Variants in NCOA2 observed in about 807,000 individuals in gnomAD.
NCOA2 encodes class E basic helix-loop-helix protein 75.
Under a neutral mutation model 145.1 loss-of-function variants are expected in NCOA2, and 21 were observed. That is an observed-to-expected ratio of 0.14 (90% CI 0.10 to 0.21). The LOEUF is 0.21. Among genes scored for constraint, NCOA2 ranks in the 10% least tolerant of loss-of-function variants. The pLI, the probability that NCOA2 is intolerant of heterozygous loss-of-function variation, is 1.00. For missense variants in NCOA2, 1,472 were observed against 1,837.6 expected, an observed-to-expected ratio of 0.80 and a Z score of 3.64; for synonymous variants, 619 against 637.5, an observed-to-expected ratio of 0.97 and a Z score of 0.44.
chr8:70,179,273 T>C (rs1349602271), intron 4 of NCOA2, among the ~76,000 whole-genome samples: 3 of 152,188 alleles, frequency 2.0e-5, no homozygotes, highest in South Asian at 2.1e-4. Flanking sequence ...TATGAAGTGA[T>C]AGAAAACACT....
intron 15 of NCOA2, among the ~76,000 whole-genome samples, chr8:70,132,728 T>A (rs1809272741): frequency 6.6e-6 from 1 of 152,196 alleles, no homozygotes; most frequent in Non-Finnish European, 1.5e-5. Context: ...CACGCCTGGC[T>A]AATTTTTTGT....
At chr8:70,119,792 T>G (rs1807582011) in intron 22 of NCOA2, among the ~76,000 whole-genome samples, 1 of 152,146 alleles carries the variant, frequency 6.6e-6, no homozygotes, top group Admixed American at 6.5e-5. Flanking sequence ...TCTCTGATGA[T>G]TACTGATGCT....
chr8:70,127,343 A>AT (rs1808538247), intron 18 of NCOA2, among the ~76,000 whole-genome samples: 1 of 152,236 alleles, frequency 6.6e-6, no homozygotes, highest in African/African-American at 2.4e-5. Flanking sequence ...ATCTCAAAAT[A>AT]ACACAGTCCT....
Position 70,156,502 on chromosome 8 carries a change from C to G in NCOA2, c.1863G>C (p.Val621=). 1 of 1,613,894 alleles carries G rather than the reference C, an allele frequency of 6.2e-7. No homozygotes were observed. Among genetic ancestry groups the G allele is most frequent in the Non-Finnish European group, 8.5e-7 (1 of 1,179,880 alleles). ...TCTGCCCGTCAGCTCTCTCACTGCTCACGGCCGGGGGCAGGTTGGGGTCAT... is the reference window on the plus strand; with the variant it reads ...TCTGCCCGTCAGCTCTCTCACTGCTGACGGCCGGGGGCAGGTTGGGGTCAT... ...ETNDPNLPPA[V]SSERADGQSR... is the part of the protein sequence containing the mutation. Residue 621 remains valine (V), a synonymous_variant, in exon 11 of 23, where the codon GTG becomes GTC. Coordinates refer to ENST00000452400, the MANE Select transcript of NCOA2 (RefSeq NM_006540.4).
chr8:70,386,582 C>A (rs1011404932), intron 1 of NCOA2, among the ~76,000 whole-genome samples: 1 of 151,950 alleles, frequency 6.6e-6, no homozygotes, highest in South Asian at 2.1e-4. Flanking sequence ...TGAGAAGAAA[C>A]AATAGAGAGG....
At chr8:70,162,994 A>C (rs1813214696) in intron 8 of NCOA2, 140 bp from the exon 9 acceptor site, 1 of 776,380 alleles carries the variant, frequency 1.3e-6, no homozygotes, top group Non-Finnish European at 1.9e-6. Flanking sequence ...AGCTCACTGC[A>C]ACCTCTACCT....
At position 70,138,260 on chromosome 8, in the gene NCOA2, G is replaced by A; in HGVS notation, c.3101C>T (p.Ala1034Val). The A allele has an allele frequency of 6.2e-7, 1 of 1,613,720 alleles. No homozygotes were observed. The highest frequency in any genetic ancestry group is 8.5e-7 in the Non-Finnish European group (1 of 1,179,766). Residue 1034 changes from alanine (A) to valine (V), a missense_variant, in exon 15 of 23, where the codon GCC (alanine) becomes GTC (valine). By Grantham distance (64) the Ala-to-Val change is moderately conservative (BLOSUM62 0). Transcript: ENST00000452400. ...SQQQAPPNQT[A>V]PWPESILPID... ...AGGCAGGATGCTTTCAGGCCATGGG[G>A]CAGTCTGATTTGGAGGAGCTTGTTG... is the stretch of plus-strand genomic sequence containing the variant.
intron 8 of NCOA2, 49 bp from the exon 9 acceptor site, chr8:70,162,903 T>C (rs1236173139): frequency 6.4e-6 from 8 of 1,241,846 alleles, no homozygotes; most frequent in Non-Finnish European, 6.5e-6. Flanking sequence ...CTATTCTTTA[T>C]GGAAATAATT....
chr8:70,384,913 A>G (rs1812522884), intron 1 of NCOA2, among the ~76,000 whole-genome samples: 1 of 152,242 alleles, frequency 6.6e-6, no homozygotes, highest in African/African-American at 2.4e-5. Flanking sequence ...ACCAAGTGCT[A>G]AAATGTTAAG....
chr8:70,249,977 AAAG>A (rs1554606850), intron 2 of NCOA2, among the ~76,000 whole-genome samples: 5,832 of 137,210 alleles, frequency 0.043, 180 homozygotes, highest in East Asian at 0.14. Flanking sequence ...AAAAAAAAAA[AAAG>A]AAGAAGAAGA....
At chr8:70,146,343 C>T (rs753536199) in intron 12 of NCOA2, among the ~76,000 whole-genome samples, 3 of 152,212 alleles carry the variant, frequency 2.0e-5, no homozygotes, top group Non-Finnish European at 4.4e-5. Context: ...ATCACACTGA[C>T]AACCTATAAT....
the NCOA2 span, among the ~76,000 whole-genome samples, chr8:70,442,616 A>C: frequency 2.6e-5 from 4 of 152,216 alleles, no homozygotes; most frequent in Admixed American, 1.3e-4. Flanking sequence ...CACAGGGTGA[A>C]ATTCCTCTAA....
Position 70,113,681 on chromosome 8 carries a change from G to C in NCOA2, c.4384-38C>G, listed in dbSNP as rs1585685616. On this transcript the variant is annotated intron_variant, in intron 22 of 22. Transcript: ENST00000452400. Reference sequence around the variant, plus strand: ...AGATAAAAAGTTGTGAAACATCTTTGAGGTTTTGAAAAAAACATCATAAAG... The same window carrying C: ...AGATAAAAAGTTGTGAAACATCTTTCAGGTTTTGAAAAAAACATCATAAAG... 7 of 1,546,600 alleles carry C rather than the reference G, an allele frequency of 4.5e-6. No homozygotes were observed. The East Asian group carries it at 1.7e-4, about 38-fold the overall frequency.
At chr8:70,215,456 G>C (rs777850278) in intron 3 of NCOA2, among the ~76,000 whole-genome samples, 2 of 152,174 alleles carry the variant, frequency 1.3e-5, no homozygotes, top group Non-Finnish European at 2.9e-5. Context: ...GGTTTACCAG[G>C]AAGTAGTAGG....
chr8:70,437,117 C>T, the NCOA2 span, among the ~76,000 whole-genome samples: 3 of 152,224 alleles, frequency 2.0e-5, no homozygotes, highest in African/African-American at 7.2e-5. Context: ...GTTCCTGGTA[C>T]CCTCTCTCCT....
chr8:70,315,059 T>G (rs2136072466), intron 1 of NCOA2, among the ~76,000 whole-genome samples: 2 of 152,322 alleles, frequency 1.3e-5, no homozygotes, highest in South Asian at 4.1e-4. Context: ...CAATGCACTG[T>G]GCCTCACAAT....
At chr8:70,122,830 C>T (rs2131369746) in intron 21 of NCOA2, among the ~76,000 whole-genome samples, 1 of 152,346 alleles carries the variant, frequency 6.6e-6, no homozygotes, top group Non-Finnish European at 1.5e-5. Context: ...TTTCACCATT[C>T]TCACAATCTT....
At chr8:70,362,315 A>G (rs1341627125) in intron 1 of NCOA2, among the ~76,000 whole-genome samples, 1 of 152,118 alleles carries the variant, frequency 6.6e-6, no homozygotes, top group Non-Finnish European at 1.5e-5. Context: ...ACCTTTTTTC[A>G]TATAGTATAA....
At chr8:70,113,714 C>T (rs1806761681) in intron 22 of NCOA2, 71 bp from the exon 23 acceptor site, 1 of 1,379,194 alleles carries the variant, frequency 7.3e-7, no homozygotes, top group Non-Finnish European at 1.0e-6. Context: ...AAGCCCACCA[C>T]AAAAACATCA....
Sources: gnomAD v4.1 joint callset for allele counts (sites outside exome capture counted in the v4.1 genomes callset) on GRCh38, gnomAD v4.1.1 for gene constraint, MANE v1.5 for transcripts, NCBI Gene and HGNC (gene_info 2026-07-23, HGNC 2026-07-21) for gene names.